The following RASGRP3 variants were observed in gnomAD, a reference collection of about 807,000 sequenced individuals.
RASGRP3 encodes RAS guanyl releasing protein 3.
In RASGRP3, 54 loss-of-function variants were observed where a neutral mutation model predicts 82.7. The observed-to-expected ratio is 0.65, with a 90% CI of 0.52 to 0.82. The LOEUF (loss-of-function observed/expected upper bound fraction) is 0.82. Ranked by LOEUF, RASGRP3 falls within the 40% of genes least tolerant of loss-of-function variation. RASGRP3 has a pLI of 0.00. For synonymous variants in RASGRP3, 309 were observed against 300.5 expected (o/e 1.03, Z -0.29); for missense variants, 861 against 828.9 (o/e 1.04, Z -0.48).
chr2:33,490,315 A>G (rs1668739663), intron 1 of RASGRP3, among the ~76,000 whole-genome samples: 1 of 152,150 alleles, frequency 6.6e-6, no homozygotes, highest in Non-Finnish European at 1.5e-5. Context: ...TTGAGCTCAT[A>G]TTCTACACAC....
intron 2 of RASGRP3, among the ~76,000 whole-genome samples, chr2:33,466,432 A>G (rs1046807686): frequency 2.0e-5 from 3 of 152,212 alleles, no homozygotes. Context: ...TAATCCCAGC[A>G]CCTTGGGAGG....
rs202202384 is a variant in RASGRP3 at position 33,527,194 on chromosome 2, A to G, written c.865A>G (p.Lys289Glu). Reference sequence around the variant, plus strand: ...CAACGGCAATTACTGCAATTACCGCAAGGCCTTTGCCGACTGCGATGGCTT... The same window carrying G: ...CAACGGCAATTACTGCAATTACCGCGAGGCCTTTGCCGACTGCGATGGCTT... ...SSNGNYCNYRKAFADCDGFKI... is the reference protein window; with the variant it reads ...SSNGNYCNYREAFADCDGFKI... Residue 289 changes from lysine to glutamate, a missense_variant, in exon 10 of 18, where the codon AAG (lysine) becomes GAG (glutamate). By Grantham distance (56) the Lys-to-Glu change is moderately conservative. Transcript: ENST00000403687. 53 of 1,613,924 alleles carry G rather than the reference A, an allele frequency of 3.3e-5. No individual in the cohort carries two copies. The highest frequency in any genetic ancestry group is 1.7e-6 in the Non-Finnish European group (2 of 1,179,902).
rs143479575 is a variant in RASGRP3 at position 33,503,108 on chromosome 2, A to G, written c.-260-8602A>G. ...AATATTGTTCTAATGGAAAATATATATTCTAAATTTCAACCACTTTACAAA... is the reference window on the plus strand; with the variant it reads ...AATATTGTTCTAATGGAAAATATATGTTCTAAATTTCAACCACTTTACAAA... On this transcript the variant is annotated intron_variant, in intron 1 of 17. Coordinates refer to ENST00000403687, the MANE Select transcript of RASGRP3 (RefSeq NM_001139488.2). 2.5e-4 allele frequency among the ~76,000 whole-genome samples: 38 copies of G among 152,330 alleles called. No homozygotes were observed. In the East Asian group the frequency reaches 7.1e-3, roughly 29 times the overall value.
chr2:33,559,159 T>C, intron 17 of RASGRP3, 129 bp downstream of exon 17: 1 of 756,976 alleles, frequency 1.3e-6, no homozygotes, highest in South Asian at 1.9e-5. Flanking sequence ...TGAAGACATG[T>C]ATCACTTTTA....
At chr2:33,439,066 C>T (rs138198094) in intron 1 of RASGRP3, among the ~76,000 whole-genome samples, 4 of 152,304 alleles carry the variant, frequency 2.6e-5, no homozygotes, top group East Asian at 1.9e-4. Context: ...TGTGTATTTA[C>T]AGGCACCTTA....
At chr2:33,476,490 T>G (rs1558418641), upstream of RASGRP3, 1 of 152,236 alleles carries the variant, frequency 6.6e-6, no homozygotes, top group African/African-American at 2.4e-5. Context: ...CTGAGCCAAC[T>G]CAGGGGTTAT....
At chr2:33,486,051 T>A (rs1308736041) in intron 1 of RASGRP3, among the ~76,000 whole-genome samples, 1 of 152,234 alleles carries the variant, frequency 6.6e-6, no homozygotes, top group African/African-American at 2.4e-5. Flanking sequence ...TCTAGTAGAA[T>A]ACAGGATTTC....
At chr2:33,471,341 ATTT>A (rs70940204) in intron 2 of RASGRP3, among the ~76,000 whole-genome samples, 3 of 106,788 alleles carry the variant, frequency 2.8e-5, no homozygotes, top group African/African-American at 7.4e-5. Context: ...ACACTGGGCT[ATTT>A]TTTTTTTTTT....
At chr2:33,512,475 A>G (rs1019984170) in intron 2 of RASGRP3, among the ~76,000 whole-genome samples, 1 of 152,206 alleles carries the variant, frequency 6.6e-6, no homozygotes, top group Admixed American at 6.5e-5. Flanking sequence ...AAGGGTACTG[A>G]TAGAGTTTAC....
rs142128621 is a variant in RASGRP3 at position 33,524,102 on chromosome 2, T to C, written c.690+50T>C. On this transcript the variant is annotated intron_variant, in intron 8 of 17. Transcript: ENST00000403687. Reference sequence around the variant, plus strand: ...TCTTGAGTTCTAGATGTTCGTTCACTCTGTTGAGAAAAGTCATTGAGGAAA... The same window carrying C: ...TCTTGAGTTCTAGATGTTCGTTCACCCTGTTGAGAAAAGTCATTGAGGAAA... 7.7e-3 allele frequency: 12,077 copies of C among 1,577,862 alleles called. 92 individuals carry two copies. The highest frequency in any genetic ancestry group is 8.4e-3 in the Non-Finnish European group (9,672 of 1,150,142).
Position 33,515,212 on chromosome 2 carries a change from A to T in RASGRP3, c.70+6A>T, listed in dbSNP as rs1374221648. On this transcript the variant is annotated splice_donor_region_variant and intron_variant, in intron 3 of 17. Transcript: ENST00000403687. ...CACTTGCATTGAGATGTTTGGTACG[A>T]GCCTTTTCTCCTTTCATCTCTTTTG... 2 of 1,613,792 alleles carry T rather than the reference A, an allele frequency of 1.2e-6. No individual in the cohort carries two copies. The highest frequency in any genetic ancestry group is 2.2e-5 in the South Asian group (2 of 91,074).
intron 1 of RASGRP3, among the ~76,000 whole-genome samples, chr2:33,502,370 C>T (rs1669950575): frequency 6.6e-6 from 1 of 152,084 alleles, no homozygotes; most frequent in African/African-American, 2.4e-5. Flanking sequence ...CTCTGGGCTT[C>T]CCTTCATTTG....
At chr2:33,437,154 A>G (rs1574202730) in intron 1 of RASGRP3, among the ~76,000 whole-genome samples, 1 of 152,348 alleles carries the variant, frequency 6.6e-6, no homozygotes, top group Non-Finnish European at 1.5e-5. Flanking sequence ...AAAAAACAGC[A>G]CTGAATAGTT....
At chr2:33,502,468 G>C (rs1669960850) in intron 1 of RASGRP3, among the ~76,000 whole-genome samples, 1 of 149,920 alleles carries the variant, frequency 6.7e-6, no homozygotes, top group Admixed American at 6.6e-5. Flanking sequence ...CTATTCCTTG[G>C]TCTCTTTTAA....
At position 33,527,199 on chromosome 2, in the gene RASGRP3, C is replaced by A. The variant is rs750628468; in HGVS notation, c.870C>A (p.Ala290=). Reference sequence around the variant, plus strand: ...GCAATTACTGCAATTACCGCAAGGCCTTTGCCGACTGCGATGGCTTCAAAA... The same window carrying A: ...GCAATTACTGCAATTACCGCAAGGCATTTGCCGACTGCGATGGCTTCAAAA... ...SNGNYCNYRK[A]FADCDGFKIP... Residue 290 remains alanine (A), a synonymous_variant, in exon 10 of 18, where the codon GCC becomes GCA. Transcript: ENST00000403687. 18 of 1,614,040 alleles carry A rather than the reference C, an allele frequency of 1.1e-5. No homozygotes were observed. In the Admixed American group the frequency reaches 1.8e-4, roughly 16 times the overall value.
intron 10 of RASGRP3, chr2:33,530,930 T>C (rs6729768): frequency 0.83 from 126,091 of 152,210 alleles, 52,726 homozygotes; most frequent in African/African-American, 0.95. Context: ...AAAGCTGATG[T>C]TTCTGTTGCG....
chr2:33,495,866 G>A (rs1044548834), intron 1 of RASGRP3, among the ~76,000 whole-genome samples: 3 of 152,246 alleles, frequency 2.0e-5, no homozygotes, highest in East Asian at 3.8e-4. Flanking sequence ...GGAGACAGCC[G>A]AAGGTAGGAG....
chr2:33,489,709 T>C (rs1404060239), intron 1 of RASGRP3, among the ~76,000 whole-genome samples: 2 of 152,180 alleles, frequency 1.3e-5, no homozygotes, highest in African/African-American at 4.8e-5. Context: ...CTAATTTTTG[T>C]ATCATTTGTA....
At chr2:33,514,471 C>T (rs1363953674) in intron 2 of RASGRP3, among the ~76,000 whole-genome samples, 1 of 131,178 alleles carries the variant, frequency 7.6e-6, no homozygotes, top group African/African-American at 2.9e-5. Flanking sequence ...GAGTTTGAGA[C>T]CAGCCTGGGC....
Sources: gnomAD v4.1 joint callset for allele counts (sites outside exome capture counted in the v4.1 genomes callset) on GRCh38, gnomAD v4.1.1 for gene constraint, MANE v1.5 for transcripts, NCBI Gene and HGNC (gene_info 2026-07-23, HGNC 2026-07-21) for gene names.